The following HERPUD2 variants were observed in gnomAD, a reference collection of about 807,000 sequenced individuals.
HERPUD2 encodes homocysteine-responsive endoplasmic reticulum-resident ubiquitin-like domain member 2 protein.
A neutral mutation model predicts 49.9 loss-of-function variants in HERPUD2; 13 were observed. That is an observed-to-expected ratio of 0.26 (90% CI 0.17 to 0.41). The LOEUF is 0.41. Ranked by LOEUF, HERPUD2 falls within the 10% of genes least tolerant of loss-of-function variation. The probability of loss-of-function intolerance (pLI) is 1.00; values close to 1 mark genes in which losing one functional copy is unlikely to be tolerated. For missense variants in HERPUD2, 449 were observed against 492.2 expected (o/e 0.91, Z 0.83); for synonymous variants, 172 against 171.4 (o/e 1.00, Z -0.03).
rs1786268307 is a variant in HERPUD2, at chr7:35,694,384, G to A, written c.-54C>T. 1.2e-6 allele frequency: 2 copies of A among 1,602,512 alleles called. No individual in the cohort carries two copies. Among genetic ancestry groups the A allele is most frequent in the Admixed American group, 1.7e-5 (1 of 59,842 alleles). ...AGGAGCGGCAGTTAAGCCCAAAAGA[G>A]CCGAGATGGTCACCGCCGGCGCGAC... is the stretch of plus-strand genomic sequence containing the variant. On this transcript the variant is annotated 5_prime_UTR_variant, in exon 2 of 9. Transcript: ENST00000311350.
chr7:35,668,107 G>C (rs1278163370), intron 4 of HERPUD2, among the ~76,000 whole-genome samples: 2 of 152,148 alleles, frequency 1.3e-5, no homozygotes, highest in Non-Finnish European at 2.9e-5. Context: ...AAAATCTAGT[G>C]TTATCTCTGA....
In HERPUD2 at chr7:35,667,555, A is replaced by T. The variant is rs1562679753; in HGVS notation, c.373T>A (p.Ser125Thr). Residue 125 changes from serine (S) to threonine (T), a missense_variant, in exon 5 of 9, where the codon TCT becomes ACT. Ser to Thr is a moderately conservative substitution (Grantham distance 58). Coordinates refer to ENST00000311350, the MANE Select transcript of HERPUD2 (RefSeq NM_022373.5). The part of the protein sequence containing the change: ...SDHSGSTTPS[S>T]GQETLSLAVG... ...GCTAAAGACAAGGTTTCTTGACCAGATGATGGAGTTGTTGATCCTGAATGA... is the reference window on the plus strand; with the variant it reads ...GCTAAAGACAAGGTTTCTTGACCAGTTGATGGAGTTGTTGATCCTGAATGA... The T allele has an allele frequency of 4.3e-6, 7 of 1,613,610 alleles. No individual in the cohort carries two copies. Among genetic ancestry groups the T allele is most frequent in the African/African-American group, 1.3e-5 (1 of 74,916 alleles).
At chr7:35,637,132 CAAAA>C (rs1346264066) in intron 6 of HERPUD2, among the ~76,000 whole-genome samples, 4 of 79,018 alleles carry the variant, frequency 5.1e-5, no homozygotes, top group African/African-American at 1.5e-4. Context: ...GACTCTGTCT[CAAAA>C]AAAAAGAAAG....
chr7:35,665,720 C>T (rs1272161469), intron 5 of HERPUD2, among the ~76,000 whole-genome samples: 4 of 152,172 alleles, frequency 2.6e-5, no homozygotes, highest in Non-Finnish European at 2.9e-5. Flanking sequence ...TGTTCCTATT[C>T]GGCCATCTTG....
intron 5 of HERPUD2, among the ~76,000 whole-genome samples, chr7:35,654,595 TAA>T (rs57491123): frequency 0.18 from 21,609 of 120,790 alleles, 1,938 homozygotes; most frequent in Middle Eastern, 0.26. Context: ...AATCAGTAAT[TAA>T]AAAAAAAAAA....
At chr7:35,647,363 G>A (rs982638441) in intron 5 of HERPUD2, among the ~76,000 whole-genome samples, 2 of 152,084 alleles carry the variant, frequency 1.3e-5, no homozygotes, top group African/African-American at 4.8e-5. Flanking sequence ...TTTTTTTCGA[G>A]GCCATGACAG....
At chr7:35,654,323 A>G (rs1019115706) in intron 5 of HERPUD2, among the ~76,000 whole-genome samples, 33 of 151,902 alleles carry the variant, frequency 2.2e-4, no homozygotes, top group African/African-American at 7.5e-4. Flanking sequence ...CAAAGAAAAA[A>G]AAAGACCCAT....
At chr7:35,657,912 A>C (rs1371961428) in intron 5 of HERPUD2, among the ~76,000 whole-genome samples, 1 of 150,374 alleles carries the variant, frequency 6.7e-6, no homozygotes, top group African/African-American at 2.5e-5. Context: ...ACACAGCGAG[A>C]CTCTGTCTCA....
Position 35,694,622 on chromosome 7 carries a change from A to T in HERPUD2, c.-292T>A. 2 of 403,406 alleles carry T rather than the reference A, an allele frequency of 5.0e-6. No homozygotes were observed. Among genetic ancestry groups the T allele is most frequent in the Non-Finnish European group, 9.3e-6 (2 of 214,528 alleles). The allele number at this position is 403,406 out of a possible 1,614,324, so 25.0% of individuals were successfully genotyped here. A position where few individuals can be genotyped will look rare whatever the true frequency, so the allele number is the denominator to read the frequency against. On this transcript the variant is annotated 5_prime_UTR_variant, in exon 2 of 9. Transcript: ENST00000311350. ...ACTGTGGAGGCCGTCGTGAGGAGAA[A>T]GGAAGCTATACGAAGGAAGGGTGGG...
At position 35,687,874 on chromosome 7, in the gene HERPUD2, T is replaced by A. The variant is rs374587373; in HGVS notation, c.147+6310A>T. Among the ~76,000 whole-genome samples the A allele has an allele frequency of 1.1e-4, 17 of 152,352 alleles. 1 individual carries two copies. The East Asian group carries it at 3.3e-3, about 29-fold the overall frequency. ...CTAGTTAGTATCAAATGATTAAATT[T>A]TTTATGTCAAGGATTAAATGGGTCT... On this transcript the variant is annotated intron_variant, in intron 2 of 8. Coordinates refer to ENST00000311350, the MANE Select transcript of HERPUD2 (RefSeq NM_022373.5).
chr7:35,670,192 T>C, intron 4 of HERPUD2, 23 bp downstream of exon 4: 1 of 1,223,260 alleles, frequency 8.2e-7, no homozygotes, highest in Non-Finnish European at 1.2e-6. Context: ...AGTTCAATGT[T>C]TACTCCTCCC....
intron 3 of HERPUD2, among the ~76,000 whole-genome samples, chr7:35,670,711 A>G (rs1785625047): frequency 6.6e-6 from 1 of 152,140 alleles, no homozygotes; most frequent in South Asian, 2.1e-4. Context: ...TAGCAACTAT[A>G]AAATAAACTC....
intron 5 of HERPUD2, among the ~76,000 whole-genome samples, chr7:35,645,394 G>A (rs985549727): frequency 1.3e-4 from 20 of 151,984 alleles, no homozygotes; most frequent in Non-Finnish European, 2.4e-4. Context: ...AAGTCTGGGC[G>A]ATATAGTGAG....
intron 6 of HERPUD2, 40 bp from the exon 7 acceptor site, chr7:35,635,498 A>T: frequency 6.6e-7 from 1 of 1,525,552 alleles, no homozygotes; most frequent in Non-Finnish European, 8.9e-7. Flanking sequence ...AAGAAAAAAA[A>T]ACTTTACCAT....
intron 5 of HERPUD2, among the ~76,000 whole-genome samples, chr7:35,664,269 T>C (rs1482784188): frequency 6.6e-6 from 1 of 152,244 alleles, no homozygotes; most frequent in African/African-American, 2.4e-5. Flanking sequence ...GCTATTAGTC[T>C]GATGGGTTTC....
intron 5 of HERPUD2, among the ~76,000 whole-genome samples, chr7:35,659,700 T>C (rs1332470927): frequency 6.6e-6 from 1 of 152,150 alleles, no homozygotes; most frequent in African/African-American, 2.4e-5. Flanking sequence ...ATCTGTATAA[T>C]CATTAAGCTA....
intron 2 of HERPUD2, among the ~76,000 whole-genome samples, chr7:35,674,442 G>C (rs1262270702): frequency 1.5e-5 from 2 of 130,542 alleles, no homozygotes; most frequent in Non-Finnish European, 1.7e-5. Flanking sequence ...GAGAGAGAGA[G>C]AGAGAGAGAG....
chr7:35,633,927 C>A (rs2115811571), intron 8 of HERPUD2, 76 bp from the exon 9 acceptor site: 3 of 1,424,560 alleles, frequency 2.1e-6, no homozygotes, highest in Non-Finnish European at 2.9e-6. Context: ...CAGTTAAATT[C>A]TTTGTAGAAC....
chr7:35,689,398 TTTTG>T (rs1241582462), intron 2 of HERPUD2, among the ~76,000 whole-genome samples: 4 of 152,220 alleles, frequency 2.6e-5, no homozygotes, highest in African/African-American at 9.6e-5. Context: ...ACAAAAATTA[TTTTG>T]TTTATGGATT....
Sources: allele counts gnomAD v4.1 joint callset (sites outside exome capture counted in the v4.1 genomes callset), GRCh38; gene constraint gnomAD v4.1.1; transcripts MANE v1.5; gene names NCBI Gene and HGNC (gene_info 2026-07-23, HGNC 2026-07-21).